Variants in MAST4 observed in about 807,000 individuals in gnomAD.
MAST4 encodes microtubule-associated serine/threonine-protein kinase 4.
Under a neutral mutation model 162.7 loss-of-function variants are expected in MAST4, and 89 were observed. The ratio of observed to expected loss-of-function variants is 0.55; its 90% CI spans 0.46 to 0.65. The LOEUF is 0.65. Ranked by LOEUF, MAST4 falls within the 30% of genes least tolerant of loss-of-function variation. The pLI, the probability that MAST4 is intolerant of heterozygous loss-of-function variation, is 0.00. For synonymous variants in MAST4, 1,479 were observed against 1,361.1 expected (o/e 1.09, Z -1.91); for missense variants, 3,153 against 3,374.0 (o/e 0.93, Z 1.62).
At chr5:67,070,216 C>A (rs773262604) in intron 5 of MAST4, among the ~76,000 whole-genome samples, 18 of 152,160 alleles carry the variant, frequency 1.2e-4, no homozygotes, top group South Asian at 2.1e-4. Context: ...GCAAATTTTT[C>A]TCCCTTCTCT....
chr5:66,969,503 G>GT (rs1747164506), intron 4 of MAST4, among the ~76,000 whole-genome samples: 1 of 152,206 alleles, frequency 6.6e-6, no homozygotes, highest in African/African-American at 2.4e-5. Context: ...GCATATGGTG[G>GT]TCCTAAGAGT....
intron 11 of MAST4, among the ~76,000 whole-genome samples, chr5:67,113,249 G>T (rs1005195381): frequency 1.4e-5 from 2 of 140,782 alleles, no homozygotes; most frequent in African/African-American, 5.2e-5. Context: ...GGGAGGCGGA[G>T]CTTGCAGTGA....
chr5:66,954,499 A>C (rs1199309579), intron 4 of MAST4, among the ~76,000 whole-genome samples: 1 of 152,166 alleles, frequency 6.6e-6, no homozygotes, highest in African/African-American at 2.4e-5. Flanking sequence ...TGGCACTGGG[A>C]TTAAACAGCT....
chr5:66,735,168 AG>A (rs1277485967), intron 1 of MAST4, among the ~76,000 whole-genome samples: 1 of 152,234 alleles, frequency 6.6e-6, no homozygotes, highest in Non-Finnish European at 1.5e-5. Context: ...CCAGTATTAT[AG>A]CCCCAAATTA....
rs1437817647 is a variant in MAST4 at position 67,166,170 on chromosome 5, C to G, written c.6991C>G (p.Pro2331Ala). The G allele has an allele frequency of 6.4e-7, 1 of 1,556,994 alleles. No homozygotes were observed. Among genetic ancestry groups the G allele is most frequent in the Non-Finnish European group, 8.7e-7 (1 of 1,149,946 alleles). Residue 2331 changes from proline (P) to alanine (A), a missense_variant, in exon 29 of 29, where the codon CCA becomes GCA. Pro to Ala is a conservative substitution (Grantham distance 27, BLOSUM62 -1). Around this residue, in one of 7 missense-constraint regions of MAST4, gnomAD observed 1,644 missense variants for 1,495.0 expected, o/e 1.10. Transcript: ENST00000403625. ...TGTTGGTGAAAAGCAAACCCTGTCT[C>G]CAAAGCACCCCAAACCATCCACTGT... ...SAVGEKQTLS[P>A]KHPKPSTVKD...
At chr5:67,037,252 A>G (rs1455672361) in intron 4 of MAST4, among the ~76,000 whole-genome samples, 1 of 152,076 alleles carries the variant, frequency 6.6e-6, no homozygotes, top group Non-Finnish European at 1.5e-5. Flanking sequence ...AAGAAACGAG[A>G]AAGTTAGTGG....
In MAST4 at chr5:67,095,745, T is replaced by C; in HGVS notation, c.912+70T>C. Reference sequence around the variant, plus strand: ...CAGAGCTATTACACAGGCAGTGTTTTCTCTGGGTGTTTCCTGGTAGGGAGG... The same window carrying C: ...CAGAGCTATTACACAGGCAGTGTTTCCTCTGGGTGTTTCCTGGTAGGGAGG... On this transcript the variant is annotated intron_variant, in intron 7 of 28. Coordinates refer to ENST00000403625, the MANE Select transcript of MAST4 (RefSeq NM_001164664.2). 4 of 1,167,174 alleles carry C rather than the reference T, an allele frequency of 3.4e-6. No homozygotes were observed. In the East Asian group the frequency reaches 1.0e-4, roughly 30 times the overall value. 72.3% of individuals were successfully genotyped at this position (1,167,174 alleles called of 1,614,324 possible). A position where few individuals can be genotyped will look rare whatever the true frequency, so the allele number is the denominator to read the frequency against.
chr5:66,899,305 T>C (rs1426764716), intron 3 of MAST4, among the ~76,000 whole-genome samples: 1 of 152,174 alleles, frequency 6.6e-6, no homozygotes, highest in Non-Finnish European at 1.5e-5. Context: ...TTGAGATAAG[T>C]GTGAAGGCAC....
chr5:66,737,657 C>G (rs974256748), intron 1 of MAST4, among the ~76,000 whole-genome samples: 2 of 152,088 alleles, frequency 1.3e-5, no homozygotes, highest in African/African-American at 4.8e-5. Flanking sequence ...CTGCTTCATC[C>G]TTTGAGGTCC....
intron 5 of MAST4, among the ~76,000 whole-genome samples, chr5:67,074,175 A>G (rs993991596): frequency 2.0e-4 from 31 of 152,256 alleles, no homozygotes; most frequent in African/African-American, 5.8e-4. Flanking sequence ...CAGAAAAGAA[A>G]TAGAAATGAC....
At chr5:66,672,859 TA>T (rs1192243137) in intron 1 of MAST4, among the ~76,000 whole-genome samples, 5 of 152,208 alleles carry the variant, frequency 3.3e-5, no homozygotes, top group African/African-American at 1.2e-4. Flanking sequence ...TTATAATACT[TA>T]ATGCCTGATT....
chr5:66,657,514 CAGT>C (rs1414304840), intron 1 of MAST4, among the ~76,000 whole-genome samples: 1 of 152,170 alleles, frequency 6.6e-6, no homozygotes, highest in Non-Finnish European at 1.5e-5. Context: ...CTCCTCCATT[CAGT>C]AGTAATATTT....
chr5:67,129,193 T>C (rs1768625231), intron 14 of MAST4, among the ~76,000 whole-genome samples: 1 of 152,188 alleles, frequency 6.6e-6, no homozygotes, highest in South Asian at 2.1e-4. Context: ...TGGCCCGCTC[T>C]TATGCTGGGA....
At chr5:66,968,438 A>T (rs1192324279) in intron 4 of MAST4, among the ~76,000 whole-genome samples, 1 of 152,186 alleles carries the variant, frequency 6.6e-6, no homozygotes, top group Non-Finnish European at 1.5e-5. Flanking sequence ...GAAAACACAC[A>T]TGCCATGTTG....
At chr5:66,968,861 C>G (rs1747074212) in intron 4 of MAST4, among the ~76,000 whole-genome samples, 1 of 152,086 alleles carries the variant, frequency 6.6e-6, no homozygotes, top group South Asian at 2.1e-4. Flanking sequence ...CTTATATTAA[C>G]AGATATGCCT....
At chr5:66,730,751 C>CTGTGTGTGTG (rs70987138) in intron 1 of MAST4, among the ~76,000 whole-genome samples, 2,132 of 149,232 alleles carry the variant, frequency 0.014, 56 homozygotes, top group African/African-American at 0.05. Flanking sequence ...CCTACCTACT[C>CTGTGTGTGTG]TGTGTGTGTG....
At chr5:67,042,590 T>C (rs1181549692) in intron 4 of MAST4, among the ~76,000 whole-genome samples, 1 of 152,146 alleles carries the variant, frequency 6.6e-6, no homozygotes, top group East Asian at 1.9e-4. Flanking sequence ...ACTTCCCTTT[T>C]CGTGTTAGAA....
At chr5:66,611,306 T>C (rs1459240233) in intron 1 of MAST4, among the ~76,000 whole-genome samples, 3 of 152,244 alleles carry the variant, frequency 2.0e-5, no homozygotes, top group Non-Finnish European at 4.4e-5. Flanking sequence ...CTCAAGTGTG[T>C]GTTTTTAGGG....
chr5:66,796,623 A>G (rs192454717), intron 3 of MAST4, among the ~76,000 whole-genome samples: 5 of 152,256 alleles, frequency 3.3e-5, no homozygotes, highest in Admixed American at 3.3e-4. Context: ...ATAGAAACAC[A>G]TGCCCTCTTT....
Sources: allele counts gnomAD v4.1 joint callset (sites outside exome capture counted in the v4.1 genomes callset), GRCh38; gene constraint gnomAD v4.1.1; regional missense constraint gnomAD v4.1.1; transcripts MANE v1.5; gene names NCBI Gene and HGNC (gene_info 2026-07-23, HGNC 2026-07-21).